Variants in BICDL1 observed in about 807,000 individuals in gnomAD.
BICDL1 encodes the protein BICD family like cargo adaptor 1, also known as BICD family-like cargo adapter 1.
Under a neutral mutation model 76.8 loss-of-function variants are expected in BICDL1, and 20 were observed. The observed-to-expected ratio is 0.26, with a 90% CI of 0.18 to 0.38. The LOEUF (loss-of-function observed/expected upper bound fraction) is 0.38, where lower values mean the gene tolerates loss of function less well. Ranked by LOEUF, BICDL1 falls within the 10% of genes least tolerant of loss-of-function variation. The probability of loss-of-function intolerance (pLI) is 1.00; values close to 1 mark genes in which losing one functional copy is unlikely to be tolerated. For synonymous variants in BICDL1, 383 were observed against 337.1 expected, an observed-to-expected ratio of 1.14 and a Z score of -1.49; for missense variants, 700 against 798.6, an observed-to-expected ratio of 0.88 and a Z score of 1.49.
chr12:120,062,498 G>A (rs1417310984), intron 3 of BICDL1, among the ~76,000 whole-genome samples: 1 of 152,028 alleles, frequency 6.6e-6, no homozygotes, highest in Non-Finnish European at 1.5e-5. Flanking sequence ...CTGGCTAAAG[G>A]GGCCAAGTAG....
At chr12:120,008,465 T>A (rs1020278900) in intron 2 of BICDL1, among the ~76,000 whole-genome samples, 1 of 152,160 alleles carries the variant, frequency 6.6e-6, no homozygotes, top group Admixed American at 6.5e-5. Context: ...AGCCAATAGT[T>A]ACTCTTTATT....
At chr12:120,034,366 A>C (rs903386351) in intron 2 of BICDL1, among the ~76,000 whole-genome samples, 4 of 152,146 alleles carry the variant, frequency 2.6e-5, no homozygotes, top group African/African-American at 7.2e-5. Context: ...ATGACACTAA[A>C]ATTAACACAG....
intron 3 of BICDL1, among the ~76,000 whole-genome samples, chr12:120,062,085 G>T (rs1456880524): frequency 6.6e-6 from 1 of 151,998 alleles, no homozygotes; most frequent in Non-Finnish European, 1.5e-5. Context: ...AAATATCCTT[G>T]CCAATCCCAA....
chr12:120,043,491 C>A (rs143799451), intron 2 of BICDL1, among the ~76,000 whole-genome samples: 1 of 152,120 alleles, frequency 6.6e-6, no homozygotes, highest in Non-Finnish European at 1.5e-5. Context: ...ATTGCACATG[C>A]AAAAGCAGGG....
chr12:119,996,287 G>A (rs1035806405), intron 1 of BICDL1, among the ~76,000 whole-genome samples: 7 of 152,116 alleles, frequency 4.6e-5, no homozygotes, highest in African/African-American at 1.7e-4. Flanking sequence ...TCTTTTGACT[G>A]CTCTCAATCA....
intron 2 of BICDL1, among the ~76,000 whole-genome samples, chr12:120,041,152 A>G (rs752929334): frequency 6.6e-6 from 1 of 152,228 alleles, no homozygotes; most frequent in Non-Finnish European, 1.5e-5. Context: ...TGGATATAAC[A>G]AATAAGGTAA....
chr12:119,998,444 T>G (rs1951695811), intron 1 of BICDL1, 77 bp from the exon 2 acceptor site: 9 of 1,319,154 alleles, frequency 6.8e-6, no homozygotes, highest in Non-Finnish European at 9.2e-6. Flanking sequence ...AAAAGAAAAG[T>G]TGGGACAGCG....
At chr12:120,032,882 G>A (rs183493000) in intron 2 of BICDL1, among the ~76,000 whole-genome samples, 28 of 151,938 alleles carry the variant, frequency 1.8e-4, no homozygotes, top group Admixed American at 7.2e-4. Flanking sequence ...AAGTAGCTGG[G>A]ACTATAGGCG....
intron 7 of BICDL1, among the ~76,000 whole-genome samples, chr12:120,077,040 G>T (rs1420274091): frequency 5.3e-5 from 8 of 152,220 alleles, no homozygotes; most frequent in African/African-American, 1.9e-4. Flanking sequence ...ACATGGTTAG[G>T]TGGGACTGAG....
At position 120,093,777 on chromosome 12, in the gene BICDL1, C is replaced by T. The variant is rs570709119; in HGVS notation, c.*616C>T. ...TTACCCAAGCTCAGCTGAGGCCACC[C>T]GAGCCCCAGGGAGGAAGAAGGCCCT... On this transcript the variant is annotated 3_prime_UTR_variant, in exon 10 of 10. Transcript: ENST00000548673. The T allele has an allele frequency of 1.1e-5, 2 of 175,966 alleles. No homozygotes were observed. The highest frequency in any genetic ancestry group is 4.8e-5 in the African/African-American group (2 of 41,916). The allele number at this position is 175,966 out of a possible 1,614,324, so 10.9% of individuals were successfully genotyped here. A position where few individuals can be genotyped will look rare whatever the true frequency, so the allele number is the denominator to read the frequency against.
chr12:120,052,680 C>T (rs76385252), intron 2 of BICDL1, among the ~76,000 whole-genome samples: 7,261 of 152,252 alleles, frequency 0.048, 365 homozygotes, highest in African/African-American at 0.12. Context: ...ATGAAAATAT[C>T]CTGTTTCTCA....
chr12:120,003,538 A>G (rs1262564963), intron 2 of BICDL1, among the ~76,000 whole-genome samples: 1 of 152,338 alleles, frequency 6.6e-6, no homozygotes, highest in African/African-American at 2.4e-5. Flanking sequence ...GCTGTTTGAA[A>G]ACCAGTTGTC....
chr12:120,051,730 T>C (rs758753330), intron 2 of BICDL1, among the ~76,000 whole-genome samples: 22 of 152,202 alleles, frequency 1.4e-4, no homozygotes, highest in African/African-American at 4.8e-4. Flanking sequence ...TAACATCTTT[T>C]GTAATCATAG....
chr12:120,079,145 C>A lies in BICDL1; in HGVS notation c.1453-1742C>A, dbSNP rs1284415974. ...TTTGGGCTGTTCTCAGTACAGAGCACCCGGCCCTGATGTTTCCTGCTAGAC... is the reference window on the plus strand; with the variant it reads ...TTTGGGCTGTTCTCAGTACAGAGCAACCGGCCCTGATGTTTCCTGCTAGAC... On this transcript the variant is annotated intron_variant, in intron 7 of 9. Transcript: ENST00000548673. The surrounding 1 kb of genome is among the most constrained non-coding windows in gnomAD (Gnocchi z 4.3). 6.6e-6 allele frequency among the ~76,000 whole-genome samples: 1 copy of A among 152,212 alleles called. No individual in the cohort carries two copies.
chr12:120,064,606 G>A, intron 3 of BICDL1, 127 bp from the exon 4 acceptor site: 1 of 865,664 alleles, frequency 1.2e-6, no homozygotes, highest in Non-Finnish European at 1.7e-6. Flanking sequence ...CTCAGAGATG[G>A]GGGTACCGTG....
At chr12:120,029,145 A>G (rs183920314) in intron 2 of BICDL1, among the ~76,000 whole-genome samples, 2 of 152,338 alleles carry the variant, frequency 1.3e-5, no homozygotes, top group East Asian at 3.9e-4. Flanking sequence ...CTTCTAATGC[A>G]TGTGATTAGA....
At chr12:120,066,496 C>A (rs1447472666) in intron 4 of BICDL1, among the ~76,000 whole-genome samples, 1 of 152,104 alleles carries the variant, frequency 6.6e-6, no homozygotes, top group Non-Finnish European at 1.5e-5. Flanking sequence ...CCTTCAGGGG[C>A]CTGACCAGCA....
At chr12:120,019,069 CTG>C (rs1456476949) in intron 2 of BICDL1, 6 of 144,872 alleles carry the variant, frequency 4.1e-5, no homozygotes, top group Non-Finnish European at 9.0e-5. Context: ...AAAAAAAAGT[CTG>C]TGTCTTGTGT....
chr12:120,093,934 GGGTT>G lies in BICDL1; in HGVS notation c.*776_*779del, dbSNP rs1875199942. The G allele has an allele frequency of 3.1e-6, 1 of 318,206 alleles. No individual in the cohort carries two copies. The highest frequency in any genetic ancestry group is 6.3e-6 in the Non-Finnish European group (1 of 159,204). The allele number at this position is 318,206 out of a possible 1,614,324, so 19.7% of individuals were successfully genotyped here. ...CAGCCCTTTCCCCTGCTCAGGGCTG[GGGTT>G]GGACGGGGTCTCCTCCTCCCACAGC... On this transcript the variant is annotated 3_prime_UTR_variant, in exon 10 of 10. Coordinates refer to ENST00000548673, the MANE Select transcript of BICDL1 (RefSeq NM_001367886.1).
Sources: allele counts gnomAD v4.1 joint callset (sites outside exome capture counted in the v4.1 genomes callset), GRCh38; gene constraint gnomAD v4.1.1; non-coding constraint Gnocchi (gnomAD v3.1); transcripts MANE v1.5; gene names NCBI Gene and HGNC (gene_info 2026-07-23, HGNC 2026-07-21).